The following GNG7 variants were observed in gnomAD, a reference collection of about 807,000 sequenced individuals.
The protein encoded by GNG7 is G protein subunit gamma 7, also known as guanine nucleotide-binding protein G(I)/G(S)/G(O) subunit gamma-7.
A neutral mutation model predicts 4.0 loss-of-function variants in GNG7; 1 was observed. The observed-to-expected ratio is 0.25, with a 90% CI of 0.09 to 1.18. GNG7 has a LOEUF of 1.18. Ranked by LOEUF, GNG7 falls within the 50% of genes most tolerant of loss-of-function variation. The pLI is 0.50. For synonymous variants in GNG7, 34 were observed against 36.9 expected (o/e 0.92, Z 0.29); for missense variants, 86 against 91.9 (o/e 0.94, Z 0.26).
At chr19:2,664,858 C>T (rs1983265416) in intron 1 of GNG7, among the ~76,000 whole-genome samples, 1 of 152,138 alleles carries the variant, frequency 6.6e-6, no homozygotes, top group Non-Finnish European at 1.5e-5. Context: ...TGGCCTCCAC[C>T]CACTCCACGC....
At position 2,554,183 on chromosome 19, in the gene GNG7, T is replaced by A. The variant is rs532702248; in HGVS notation, c.-38+966A>T. Among the ~76,000 whole-genome samples, 39 of 145,318 alleles carry A rather than the reference T, an allele frequency of 2.7e-4. 1 individual carries two copies. Among genetic ancestry groups the A allele is most frequent in the South Asian group, 6.3e-4 (3 of 4,730 alleles). On this transcript the variant is annotated intron_variant, in intron 3 of 4. Transcript: ENST00000382159. ...TATATATAATATATAATATATATAT[T>A]TTTTTCTTTTCTTTAGAGACCTGGT...
chr19:2,602,935 C>CTTTG (rs1449938744), intron 2 of GNG7, among the ~76,000 whole-genome samples: 33 of 103,364 alleles, frequency 3.2e-4, no homozygotes, highest in Non-Finnish European at 5.1e-4. Context: ...TTGTTTCTTC[C>CTTTG]TTTCTTCCTT....
chr19:2,594,405 G>GGGAAGGAAGGAAGGAAGGAA (rs36015482), intron 2 of GNG7, among the ~76,000 whole-genome samples: 188 of 136,862 alleles, frequency 1.4e-3, no homozygotes, highest in African/African-American at 4.3e-3. Flanking sequence ...GAAAGAAGGA[G>GGGAAGGAAGGAAGGAAGGAA]GGAAGGAAGG....
intron 3 of GNG7, among the ~76,000 whole-genome samples, chr19:2,550,184 G>A (rs532396168): frequency 7.9e-5 from 12 of 152,270 alleles, no homozygotes; most frequent in Admixed American, 5.2e-4. Flanking sequence ...GAGCGGCTGG[G>A]AGGCACTCTC....
In GNG7 at chr19:2,546,354, G is replaced by A. The variant is rs1979126541; in HGVS notation, c.-38+8795C>T. Among the ~76,000 whole-genome samples the A allele has an allele frequency of 6.6e-6, 1 of 152,236 alleles. No homozygotes were observed. The highest frequency in any genetic ancestry group is 6.5e-5 in the Admixed American group (1 of 15,290). ...TCGCCCAGCAGGGCCTGGGAGGGCG[G>A]CTGTGTGTGGGGCCTTCCGTGCCAG... On this transcript the variant is annotated intron_variant, in intron 3 of 4. Coordinates refer to ENST00000382159, the MANE Select transcript of GNG7 (RefSeq NM_052847.3). This position sits in a 1 kb window ranked among gnomAD's most constrained non-coding sequence, Gnocchi z 6.3.
At chr19:2,551,744 C>G (rs527938303) in intron 3 of GNG7, among the ~76,000 whole-genome samples, 5 of 146,846 alleles carry the variant, frequency 3.4e-5, no homozygotes, top group Non-Finnish European at 6.0e-5. Context: ...AGTGCAACGG[C>G]ACGATCTCAG....
At chr19:2,562,291 T>C (rs1979766997) in intron 2 of GNG7, among the ~76,000 whole-genome samples, 1 of 131,306 alleles carries the variant, frequency 7.6e-6, no homozygotes, top group South Asian at 2.2e-4. Context: ...TTTTTCTTTC[T>C]TTTTTTTTTT....
At chr19:2,636,903 A>C (rs888975909) in intron 2 of GNG7, among the ~76,000 whole-genome samples, 1 of 150,886 alleles carries the variant, frequency 6.6e-6, no homozygotes, top group African/African-American at 2.4e-5. Flanking sequence ...CACCCACCTG[A>C]ACCCAACTAC....
intron 2 of GNG7, among the ~76,000 whole-genome samples, chr19:2,598,718 A>G (rs1406910636): frequency 7.4e-6 from 1 of 134,432 alleles, no homozygotes; most frequent in African/African-American, 2.6e-5. Context: ...AATAATAATA[A>G]TAATAATGCT....
intron 1 of GNG7, among the ~76,000 whole-genome samples, chr19:2,662,687 C>G (rs1213273267): frequency 1.3e-5 from 2 of 152,188 alleles, no homozygotes; most frequent in Non-Finnish European, 2.9e-5. Context: ...GCTCAGCTAT[C>G]TCAAAGTTCT....
rs143185534 is a variant in GNG7 at position 2,627,021 on chromosome 19, C to T, written c.-78+19203G>A. On this transcript the variant is annotated intron_variant, in intron 2 of 4. Coordinates refer to ENST00000382159, the MANE Select transcript of GNG7 (RefSeq NM_052847.3). ...CCAGATGGAGCAGACGGCATAAACC[C>T]GGGAGCCCCAGCTCCTGGGACTCAT... 9.5e-4 allele frequency among the ~76,000 whole-genome samples: 144 copies of T among 152,274 alleles called. 1 individual carries two copies. Among genetic ancestry groups the T allele is most frequent in the African/African-American group, 3.4e-3 (142 of 41,560 alleles).
In GNG7 at chr19:2,617,148, T is replaced by G. The variant is rs976530740; in HGVS notation, c.-78+29076A>C. On this transcript the variant is annotated intron_variant, in intron 2 of 4. Coordinates refer to ENST00000382159, the MANE Select transcript of GNG7 (RefSeq NM_052847.3). This position sits in a 1 kb window ranked among gnomAD's most constrained non-coding sequence, Gnocchi z 4.7. ...ATCATTCTCTGGGATGGGGCCATCC[T>G]GGTGCACTGCAGGGTGCTGAGTGGC... 2.6e-5 allele frequency among the ~76,000 whole-genome samples: 4 copies of G among 152,238 alleles called. No individual in the cohort carries two copies. The highest frequency in any genetic ancestry group is 5.9e-5 in the Non-Finnish European group (4 of 68,034).
At chr19:2,515,207 T>C in intron 4 of GNG7, 60 bp from the exon 5 acceptor site, 1 of 1,604,792 alleles carries the variant, frequency 6.2e-7, no homozygotes, top group Non-Finnish European at 8.5e-7. Context: ...CACACCCGGG[T>C]TCACAGCAGC....
chr19:2,687,907 C>G (rs1310588774), intron 1 of GNG7, among the ~76,000 whole-genome samples: 2 of 149,870 alleles, frequency 1.3e-5, no homozygotes, highest in African/African-American at 4.9e-5. Flanking sequence ...CCTGAGTGAG[C>G]TGAGATCGTG....
At chr19:2,622,332 G>A (rs1981899127) in intron 2 of GNG7, among the ~76,000 whole-genome samples, 1 of 152,238 alleles carries the variant, frequency 6.6e-6, no homozygotes, top group African/African-American at 2.4e-5. Context: ...GCCTGTGTCG[G>A]CCTCCCAAAG....
intron 2 of GNG7, among the ~76,000 whole-genome samples, chr19:2,592,006 T>A (rs1250023185): frequency 6.6e-6 from 1 of 152,184 alleles, no homozygotes; most frequent in Non-Finnish European, 1.5e-5. Context: ...TGCTATAAAC[T>A]TTGTGGAAGG....
chr19:2,666,839 G>T (rs8102584), intron 1 of GNG7, among the ~76,000 whole-genome samples: 55,194 of 152,074 alleles, frequency 0.36, 10,176 homozygotes, highest in East Asian at 0.48. Flanking sequence ...TTGCCCCCAA[G>T]GCCATTGGTT....
intron 2 of GNG7, among the ~76,000 whole-genome samples, chr19:2,559,803 T>TATTTTTTGTAGAGACGAG (rs1568243513): frequency 9.9e-6 from 1 of 101,374 alleles, no homozygotes; most frequent in African/African-American, 4.2e-5. Context: ...TGAGCCACCG[T>TATTTTTTGTAGAGACGAG]GCCTGGCTCA....
chr19:2,514,835 C>G lies in GNG7; in HGVS notation c.*187G>C, dbSNP rs1972707712. ...TCCACCTACAAGGTCCATTCTACCC[C>G]ATCCGGGCGGTGGGAACGCCTTTTT... On this transcript the variant is annotated 3_prime_UTR_variant, in exon 5 of 5. Transcript: ENST00000382159. The G allele has an allele frequency of 1.8e-6, 1 of 554,962 alleles. No homozygotes were observed. Among genetic ancestry groups the G allele is most frequent in the Non-Finnish European group, 3.2e-6 (1 of 310,604 alleles). The allele number at this position is 554,962 out of a possible 1,614,324, so 34.4% of individuals were successfully genotyped here. A position where few individuals can be genotyped will look rare whatever the true frequency, so the allele number is the denominator to read the frequency against.
Sources: allele counts gnomAD v4.1 joint callset (sites outside exome capture counted in the v4.1 genomes callset), GRCh38; gene constraint gnomAD v4.1.1; non-coding constraint Gnocchi (gnomAD v3.1); transcripts MANE v1.5; gene names NCBI Gene and HGNC (gene_info 2026-07-23, HGNC 2026-07-21).